CELF2: variants seen among roughly 807,000 people sequenced by gnomAD.
The protein encoded by CELF2 is CUG triplet repeat RNA-binding protein 2.
Under a neutral mutation model 62.6 loss-of-function variants are expected in CELF2, and 8 were observed. The observed-to-expected ratio is 0.13, with a 90% CI of 0.07 to 0.23. The LOEUF (loss-of-function observed/expected upper bound fraction) is 0.23, where lower values mean the gene tolerates loss of function less well. Among genes scored for constraint, CELF2 ranks in the 10% least tolerant of loss-of-function variants. CELF2 has a pLI of 1.00. For missense variants in CELF2, 333 were observed against 671.0 expected (o/e 0.50, Z 5.56); for synonymous variants, 258 against 250.0 (o/e 1.03, Z -0.30).
intron 1 of CELF2, among the ~76,000 whole-genome samples, chr10:10,894,422 A>G (rs1334526012): frequency 1.3e-5 from 2 of 152,238 alleles, no homozygotes; most frequent in African/African-American, 4.8e-5. Flanking sequence ...TGACCATATC[A>G]TGAGATTCTG....
intron 2 of CELF2, among the ~76,000 whole-genome samples, chr10:11,215,291 G>A (rs972864111): frequency 6.6e-6 from 1 of 152,182 alleles, no homozygotes; most frequent in African/African-American, 2.4e-5. Flanking sequence ...TCCACAGCTG[G>A]CTCACACAGA....
the CELF2 span, among the ~76,000 whole-genome samples, chr10:10,641,632 G>A: frequency 6.6e-6 from 1 of 151,978 alleles, no homozygotes; most frequent in Non-Finnish European, 1.5e-5. Context: ...GTAGAGACAA[G>A]GTTTCAAGGT....
chr10:11,156,030 G>A lies in CELF2; in HGVS notation c.75-9456G>A, dbSNP rs1444323604. On this transcript the variant is annotated intron_variant, in intron 1 of 12. Transcript: ENST00000633077. The surrounding 1 kb of genome is among the most constrained non-coding windows in gnomAD (Gnocchi z 4.3). ...AAAAGTAGGTGGAGTTCTGAATGCCGGGCAAGCACAAAGGTCAGTGACGCC... is the reference window on the plus strand; with the variant it reads ...AAAAGTAGGTGGAGTTCTGAATGCCAGGCAAGCACAAAGGTCAGTGACGCC... Among the ~76,000 whole-genome samples the A allele has an allele frequency of 6.6e-6, 1 of 152,152 alleles. No individual in the cohort carries two copies. Among genetic ancestry groups the A allele is most frequent in the African/African-American group, 2.4e-5 (1 of 41,428 alleles).
the CELF2 span, among the ~76,000 whole-genome samples, chr10:10,661,521 C>A: frequency 2.0e-5 from 3 of 152,142 alleles, no homozygotes; most frequent in Non-Finnish European, 4.4e-5. Flanking sequence ...CTTTTGAGTT[C>A]ATTTATCTTG....
chr10:11,207,569 C>T lies in CELF2; in HGVS notation c.272-9856C>T, dbSNP rs1339155393. Among the ~76,000 whole-genome samples, 2 of 152,258 alleles carry T rather than the reference C, an allele frequency of 1.3e-5. No individual in the cohort carries two copies. The highest frequency in any genetic ancestry group is 2.4e-5 in the African/African-American group (1 of 41,464). On this transcript the variant is annotated intron_variant, in intron 2 of 12. Coordinates refer to ENST00000633077, the MANE Select transcript of CELF2 (RefSeq NM_001326342.2). This position sits in a 1 kb window ranked among gnomAD's most constrained non-coding sequence, Gnocchi z 4.1. ...GGAAGGATGTTGGTGGAGCATCGCA[C>T]GACTGCCTCAGGCGGCCAGAGGGCG...
At chr10:10,962,006 T>A (rs989336424) in intron 2 of CELF2, among the ~76,000 whole-genome samples, 3 of 150,190 alleles carry the variant, frequency 2.0e-5, no homozygotes, top group Non-Finnish European at 4.4e-5. Context: ...GGCAGGAGGA[T>A]CACTTGAGGC....
At chr10:10,963,168 C>T (rs1338450060) in intron 2 of CELF2, among the ~76,000 whole-genome samples, 1 of 152,046 alleles carries the variant, frequency 6.6e-6, no homozygotes, top group Non-Finnish European at 1.5e-5. Flanking sequence ...AGCCTCCTGC[C>T]TCAGCCTCCC....
At chr10:10,887,224 A>G (rs2061813161) in intron 1 of CELF2, among the ~76,000 whole-genome samples, 1 of 152,126 alleles carries the variant, frequency 6.6e-6, no homozygotes, top group Admixed American at 6.5e-5. Flanking sequence ...TCATCCCGTA[A>G]GCATTTCTGA....
intron 1 of CELF2, among the ~76,000 whole-genome samples, chr10:11,134,101 C>T (rs2131957086): frequency 6.6e-6 from 1 of 152,282 alleles, no homozygotes; most frequent in East Asian, 1.9e-4. Flanking sequence ...TATAATTATA[C>T]TCTTCTAAAG....
chr10:11,301,372 TC>T (rs1424770674), intron 9 of CELF2, among the ~76,000 whole-genome samples: 1 of 28,268 alleles, frequency 3.5e-5, no homozygotes, highest in Non-Finnish European at 7.4e-5. Flanking sequence ...CCACCCCGCT[TC>T]CCCCCCACTT....
chr10:11,201,649 A>T (rs2135251135), intron 2 of CELF2, among the ~76,000 whole-genome samples: 1 of 152,334 alleles, frequency 6.6e-6, no homozygotes, highest in South Asian at 2.1e-4. Flanking sequence ...GGACTTCAGC[A>T]GACACTGGTA....
chr10:11,130,951 G>A (rs1371360827), intron 1 of CELF2, among the ~76,000 whole-genome samples: 2 of 152,170 alleles, frequency 1.3e-5, no homozygotes, highest in Non-Finnish European at 2.9e-5. Flanking sequence ...TAGTGCATTT[G>A]CATATTAACA....
chr10:10,692,193 T>G, the CELF2 span, among the ~76,000 whole-genome samples: 1 of 149,460 alleles, frequency 6.7e-6, no homozygotes, highest in African/African-American at 2.5e-5. Flanking sequence ...GTATAAGGTG[T>G]AAGGAAGGGA....
the CELF2 span, among the ~76,000 whole-genome samples, chr10:10,462,615 C>CTTTTTTTTTTTTTTTTTTTTTTTTATTTT: frequency 1.4e-5 from 1 of 69,414 alleles, no homozygotes; most frequent in Non-Finnish European, 2.5e-5. Context: ...TTTTTTTCAT[C>CTTTTTTTTTTTTTTTTTTTTTTTTATTTT]TTTTTTTTTT....
chr10:10,834,590 A>G (rs542696776), intron 1 of CELF2, among the ~76,000 whole-genome samples: 28 of 152,202 alleles, frequency 1.8e-4, no homozygotes, highest in Non-Finnish European at 3.4e-4. Flanking sequence ...GAAGATTCCA[A>G]GATTGCAGAG....
At chr10:10,889,286 G>A (rs2061973548) in intron 1 of CELF2, among the ~76,000 whole-genome samples, 1 of 152,156 alleles carries the variant, frequency 6.6e-6, no homozygotes, top group Admixed American at 6.5e-5. Context: ...TTTCGCAGGG[G>A]TTAATCTACA....
At chr10:11,164,439 G>C (rs2066472929) in intron 1 of CELF2, among the ~76,000 whole-genome samples, 1 of 152,172 alleles carries the variant, frequency 6.6e-6, no homozygotes, top group Non-Finnish European at 1.5e-5. Context: ...GCGTTGAGGA[G>C]GACTGATATG....
chr10:11,146,029 T>C (rs77383080), intron 1 of CELF2, among the ~76,000 whole-genome samples: 1,780 of 152,308 alleles, frequency 0.012, 30 homozygotes, highest in African/African-American at 0.041. Context: ...TACAACAGCA[T>C]GGAGAGGTGG....
intron 1 of CELF2, among the ~76,000 whole-genome samples, chr10:11,048,877 C>A (rs1351149003): frequency 6.6e-6 from 1 of 152,138 alleles, no homozygotes; most frequent in Non-Finnish European, 1.5e-5. Flanking sequence ...TGCAGAATAC[C>A]TAATTTAAAT....
Sources: allele counts gnomAD v4.1 joint callset (sites outside exome capture counted in the v4.1 genomes callset), GRCh38; gene constraint gnomAD v4.1.1; non-coding constraint Gnocchi (gnomAD v3.1); transcripts MANE v1.5; gene names NCBI Gene and HGNC (gene_info 2026-07-23, HGNC 2026-07-21).